Variants in RXFP2 observed in about 807,000 individuals in gnomAD.
The protein encoded by RXFP2 is relaxin receptor 2.
RXFP2 carries 68 observed loss-of-function variants against 88.6 expected under a neutral mutation model. That is an observed-to-expected ratio of 0.77 (90% CI 0.63 to 0.94). RXFP2 has a LOEUF of 0.94. Among genes scored for constraint, RXFP2 ranks in the 40% least tolerant of loss-of-function variants. RXFP2 has a pLI of 0.00. For missense variants in RXFP2, 791 were observed against 893.9 expected (o/e 0.88, Z 1.47); for synonymous variants, 329 against 306.8 (o/e 1.07, Z -0.76).
At chr13:31,762,151 C>A (rs963227755) in intron 3 of RXFP2, among the ~76,000 whole-genome samples, 1 of 152,232 alleles carries the variant, frequency 6.6e-6, no homozygotes, top group African/African-American at 2.4e-5. Context: ...AACCCACAAA[C>A]ATCTCACATG....
intron 10 of RXFP2, 41 bp downstream of exon 10, chr13:31,781,783 A>G (rs1335659295): frequency 6.8e-7 from 1 of 1,480,142 alleles, no homozygotes; most frequent in East Asian, 2.3e-5. Flanking sequence ...GGGAAACCCT[A>G]TATATTTGGA....
intron 1 of RXFP2, among the ~76,000 whole-genome samples, chr13:31,756,531 C>A (rs1246049543): frequency 6.6e-6 from 1 of 152,088 alleles, no homozygotes; most frequent in East Asian, 1.9e-4. Context: ...AGCACTTTGC[C>A]CACATCCCTC....
At chr13:31,751,114 AC>A (rs1871651627) in intron 1 of RXFP2, among the ~76,000 whole-genome samples, 1 of 151,840 alleles carries the variant, frequency 6.6e-6, no homozygotes, top group South Asian at 2.1e-4. Context: ...ACATGGTGAA[AC>A]CCCATCTGTA....
intron 15 of RXFP2, 32 bp from the exon 16 acceptor site, chr13:31,792,646 T>C (rs1873849395): frequency 6.2e-7 from 1 of 1,605,438 alleles, no homozygotes; most frequent in South Asian, 1.1e-5. Context: ...CATTGGAAAC[T>C]GATGACATAC....
chr13:31,754,955 A>C (rs762676631), intron 1 of RXFP2, among the ~76,000 whole-genome samples: 1 of 152,186 alleles, frequency 6.6e-6, no homozygotes, highest in Non-Finnish European at 1.5e-5. Flanking sequence ...CTATTTTCTT[A>C]CATTGTATGG....
At position 31,758,313 on chromosome 13, in the gene RXFP2, T is replaced by C; in HGVS notation, c.150T>C (p.Phe50=). The part of the protein sequence containing the change: ...MITPSCQKGY[F]PCGNLTKCLP... Reference sequence around the variant, plus strand: ...CTCCTTCATGCCAAAAAGGATATTTTCCCTGTGGGAATCTTACCAAGTGCT... The same window carrying C: ...CTCCTTCATGCCAAAAAGGATATTTCCCCTGTGGGAATCTTACCAAGTGCT... Residue 50 remains phenylalanine (F), a synonymous_variant, in exon 2 of 18, where the codon TTT becomes TTC. Transcript: ENST00000298386. 1 of 1,614,108 alleles carries C rather than the reference T, an allele frequency of 6.2e-7. No individual in the cohort carries two copies. Among genetic ancestry groups the C allele is most frequent in the Non-Finnish European group, 8.5e-7 (1 of 1,180,006 alleles).
chr13:31,775,456 T>C (rs1378707956), intron 7 of RXFP2, 67 bp downstream of exon 7: 4 of 1,134,694 alleles, frequency 3.5e-6, no homozygotes, highest in Admixed American at 1.7e-5. Context: ...ACAGTGCTAA[T>C]GTAGTTTCCA....
At chr13:31,777,310 G>A in intron 7 of RXFP2, 66 bp from the exon 8 acceptor site, 1 of 1,124,042 alleles carries the variant, frequency 8.9e-7, no homozygotes, top group Middle Eastern at 2.0e-4. Flanking sequence ...CAGGTGTTGA[G>A]GGGAGGCAGG....
rs1270511716 is a variant in RXFP2, at chr13:31,758,307, A to G, written c.144A>G (p.Gly48=). 1.2e-6 allele frequency: 2 copies of G among 1,614,134 alleles called. No individual in the cohort carries two copies. ...TGATCACTCCTTCATGCCAAAAAGG[A>G]TATTTTCCCTGTGGGAATCTTACCA... ...GSMITPSCQK[G]YFPCGNLTKC... is the part of the protein sequence containing the mutation. The change falls in exon 2 of 18, where the codon GGA becomes GGG. Residue 48 remains glycine (G), a synonymous_variant. Coordinates refer to ENST00000298386, the MANE Select transcript of RXFP2 (RefSeq NM_130806.5).
chr13:31,770,065 G>T (rs990503270), intron 5 of RXFP2, among the ~76,000 whole-genome samples: 2 of 152,168 alleles, frequency 1.3e-5, no homozygotes, highest in African/African-American at 4.8e-5. Flanking sequence ...AAAACTGCTT[G>T]ATCAATGCCC....
chr13:31,787,725 C>T (rs1873611622), intron 13 of RXFP2, among the ~76,000 whole-genome samples: 1 of 152,186 alleles, frequency 6.6e-6, no homozygotes, highest in Non-Finnish European at 1.5e-5. Context: ...CTGCAACCTC[C>T]GCCTCCCGGC....
intron 3 of RXFP2, among the ~76,000 whole-genome samples, chr13:31,763,139 A>C (rs1418113276): frequency 6.9e-6 from 1 of 145,770 alleles, no homozygotes; most frequent in Non-Finnish European, 1.5e-5. Context: ...GATGGAGTGC[A>C]GTGATACAAT....
chr13:31,763,890 A>G (rs1872419942), intron 3 of RXFP2, among the ~76,000 whole-genome samples: 1 of 152,208 alleles, frequency 6.6e-6, no homozygotes, highest in African/African-American at 2.4e-5. Flanking sequence ...AGTTGAGCTA[A>G]TTAACATATA....
Position 31,791,856 on chromosome 13 carries a change from G to T in RXFP2, c.1196G>T (p.Cys399Phe). 4 of 1,614,070 alleles carry T rather than the reference G, an allele frequency of 2.5e-6. No individual in the cohort carries two copies. The highest frequency in any genetic ancestry group is 3.4e-6 in the Non-Finnish European group (4 of 1,179,984). ...TCCTATGCTCCCCATGTCCGAATAT[G>T]TATGCCCTTGACGGACGGCATTTCT... ...YCSYAPHVRI[C>F]MPLTDGISSF... The change falls in exon 15 of 18, where the codon TGT (cysteine) becomes TTT (phenylalanine). Residue 399 changes from cysteine to phenylalanine, a missense_variant. Cys to Phe is a radical substitution (Grantham distance 205). Coordinates refer to ENST00000298386, the MANE Select transcript of RXFP2 (RefSeq NM_130806.5).
At chr13:31,763,427 C>T (rs1246004878) in intron 3 of RXFP2, among the ~76,000 whole-genome samples, 1 of 152,108 alleles carries the variant, frequency 6.6e-6, no homozygotes, top group Non-Finnish European at 1.5e-5. Context: ...GGGTGGGTTG[C>T]TGCTGGCATC....
chr13:31,782,888 A>G (rs1200935771), intron 11 of RXFP2, 141 bp downstream of exon 11: 5 of 652,104 alleles, frequency 7.7e-6, no homozygotes, highest in Non-Finnish European at 1.4e-5. Context: ...AAGAAAACCA[A>G]CATTATCCTG....
At chr13:31,796,240 G>A (rs567778549) in intron 16 of RXFP2, among the ~76,000 whole-genome samples, 3 of 149,936 alleles carry the variant, frequency 2.0e-5, no homozygotes, top group Non-Finnish European at 3.0e-5. Flanking sequence ...TAGTAGAGAC[G>A]GGGTTTCACC....
intron 4 of RXFP2, 85 bp from the exon 5 acceptor site, chr13:31,765,871 T>C (rs909315534): frequency 2.7e-6 from 2 of 728,924 alleles, no homozygotes; most frequent in Non-Finnish European, 4.9e-6. Flanking sequence ...TCATCAAATA[T>C]TCTTTTCCCA....
At position 31,802,968 on chromosome 13, in the gene RXFP2, C is replaced by T. The variant is rs931379093; in HGVS notation, c.*563C>T. The T allele has an allele frequency of 1.9e-5, 3 of 156,802 alleles. No individual in the cohort carries two copies. The highest frequency in any genetic ancestry group is 7.2e-5 in the African/African-American group (3 of 41,452). The allele number at this position is 156,802 out of a possible 1,614,324, so 9.7% of individuals were successfully genotyped here. A position where few individuals can be genotyped will look rare whatever the true frequency, so the allele number is the denominator to read the frequency against. ...AAAACAGAACTTCCAACCAGGTTAC[C>T]ATGTCTAACCTATGACCAGAGAGTC... On this transcript the variant is annotated 3_prime_UTR_variant, in exon 18 of 18. Transcript: ENST00000298386.
Sources: gnomAD v4.1 joint callset for allele counts (sites outside exome capture counted in the v4.1 genomes callset) on GRCh38, gnomAD v4.1.1 for gene constraint, MANE v1.5 for transcripts, NCBI Gene and HGNC (gene_info 2026-07-23, HGNC 2026-07-21) for gene names.